Variants in MGAT4C observed in about 807,000 individuals in gnomAD.
The protein encoded by MGAT4C is alpha-1,3-mannosyl-glycoprotein 4-beta-N-acetylglucosaminyltransferase C.
Under a neutral mutation model 40.1 loss-of-function variants are expected in MGAT4C, and 19 were observed. That is an observed-to-expected ratio of 0.47 (90% confidence interval 0.33 to 0.70). The LOEUF (loss-of-function observed/expected upper bound fraction) is 0.70. MGAT4C is among the 30% of genes least tolerant of loss of function. The pLI, the probability that MGAT4C is intolerant of heterozygous loss-of-function variation, is 0.02. For missense variants in MGAT4C, 491 were observed against 563.2 expected (o/e 0.87, Z 1.30); for synonymous variants, 181 against 187.1 (o/e 0.97, Z 0.27).
chr12:86,747,151 C>A (rs1209107835), intron 1 of MGAT4C, among the ~76,000 whole-genome samples: 4 of 151,584 alleles, frequency 2.6e-5, no homozygotes, highest in Non-Finnish European at 5.9e-5. Context: ...TGCTCCTTAT[C>A]CTGCAGGATT....
intron 1 of MGAT4C, among the ~76,000 whole-genome samples, chr12:86,105,874 A>T (rs2135617021): frequency 6.6e-6 from 1 of 152,320 alleles, no homozygotes; most frequent in East Asian, 1.9e-4. Flanking sequence ...TATTTTGTGC[A>T]CTTACTTTAC....
At chr12:86,257,350 C>T (rs1220184028), upstream of MGAT4C, among the ~76,000 whole-genome samples, 1 of 152,182 alleles carries the variant, frequency 6.6e-6, no homozygotes, top group East Asian at 1.9e-4. Flanking sequence ...CTGAAAGGAG[C>T]TGTCAACCGC....
At chr12:86,763,324 T>C (rs1025087206) in intron 1 of MGAT4C, among the ~76,000 whole-genome samples, 1 of 152,188 alleles carries the variant, frequency 6.6e-6, no homozygotes, top group East Asian at 1.9e-4. Flanking sequence ...AGGGTAAAAC[T>C]TCCCCCACTT....
At chr12:86,448,654 T>G in intron 2 of MGAT4C, among the ~76,000 whole-genome samples, 1 of 152,158 alleles carries the variant, frequency 6.6e-6, no homozygotes, top group East Asian at 1.9e-4. Flanking sequence ...AATAAATTAT[T>G]AAAATGAATC....
chr12:86,213,986 A>G (rs544461057), intron 1 of MGAT4C, among the ~76,000 whole-genome samples: 10 of 152,340 alleles, frequency 6.6e-5, no homozygotes, highest in African/African-American at 2.2e-4. Flanking sequence ...TTGTAAACAT[A>G]CAACAGGTCT....
intron 3 of MGAT4C, among the ~76,000 whole-genome samples, chr12:86,409,254 T>C (rs768366945): frequency 1.1e-4 from 16 of 152,128 alleles, no homozygotes; most frequent in Admixed American, 3.3e-4. Flanking sequence ...TTAGGAATGG[T>C]AATAGGTGCT....
intron 1 of MGAT4C, among the ~76,000 whole-genome samples, chr12:86,728,919 CTTAT>C (rs1470854867): frequency 6.6e-5 from 10 of 152,144 alleles, no homozygotes; most frequent in Admixed American, 6.6e-5. Flanking sequence ...AATACACCTA[CTTAT>C]TTAATGATCA....
At chr12:86,023,969 A>G (rs187039406) in intron 2 of MGAT4C, among the ~76,000 whole-genome samples, 7 of 151,864 alleles carry the variant, frequency 4.6e-5, no homozygotes, top group African/African-American at 9.7e-5. Context: ...TCTTGCATCT[A>G]AGACCTCTAA....
At chr12:86,425,524 T>C (rs1956909545) in intron 3 of MGAT4C, among the ~76,000 whole-genome samples, 1 of 152,252 alleles carries the variant, frequency 6.6e-6, no homozygotes, top group African/African-American at 2.4e-5. Context: ...TCAATTAAAC[T>C]TGTTTTATTA....
chr12:86,340,579 AGTT>A (rs1358960189), intron 3 of MGAT4C, among the ~76,000 whole-genome samples: 1 of 152,164 alleles, frequency 6.6e-6, no homozygotes, highest in Admixed American at 6.5e-5. Flanking sequence ...TTAAAGCAAA[AGTT>A]GACTCACTTT....
At chr12:86,810,848 G>C (rs1952458052) in intron 1 of MGAT4C, among the ~76,000 whole-genome samples, 1 of 151,890 alleles carries the variant, frequency 6.6e-6, no homozygotes, top group Non-Finnish European at 1.5e-5. Flanking sequence ...GGTAATACTA[G>C]CCTAGTGAAA....
At chr12:86,118,192 G>GA (rs146813636) in intron 1 of MGAT4C, among the ~76,000 whole-genome samples, 11,435 of 152,022 alleles carry the variant, frequency 0.075, 589 homozygotes, top group Middle Eastern at 0.21. Flanking sequence ...CTGGGCAAAG[G>GA]AAAAAAATGC....
intron 2 of MGAT4C, among the ~76,000 whole-genome samples, chr12:86,686,137 C>T (rs966359504): frequency 3.9e-5 from 6 of 151,900 alleles, no homozygotes; most frequent in African/African-American, 1.5e-4. Flanking sequence ...TCTCAGCCTC[C>T]CAAAGTGCTG....
intron 2 of MGAT4C, among the ~76,000 whole-genome samples, chr12:86,033,061 G>A (rs868173552): frequency 6.7e-6 from 1 of 149,356 alleles, no homozygotes; most frequent in African/African-American, 2.4e-5. Flanking sequence ...CTTTTTTCAA[G>A]GTCAGATGGT....
chr12:86,489,480 C>A (rs886858000), intron 2 of MGAT4C, among the ~76,000 whole-genome samples: 1 of 152,164 alleles, frequency 6.6e-6, no homozygotes, highest in Non-Finnish European at 1.5e-5. Flanking sequence ...AGGGCAGCTG[C>A]CCCAAACTAC....
chr12:86,761,628 G>A (rs1951407500), intron 1 of MGAT4C, among the ~76,000 whole-genome samples: 1 of 152,158 alleles, frequency 6.6e-6, no homozygotes, highest in Non-Finnish European at 1.5e-5. Context: ...GTCAGGAGAA[G>A]GCTGGTTCCT....
intron 2 of MGAT4C, among the ~76,000 whole-genome samples, chr12:86,567,658 C>T (rs192696958): frequency 9.5e-4 from 145 of 152,196 alleles, no homozygotes; most frequent in African/African-American, 3.0e-3. Context: ...AGGTAAAAAC[C>T]ACGATGTGCT....
At chr12:86,483,096 C>A (rs1224875151) in intron 2 of MGAT4C, among the ~76,000 whole-genome samples, 1 of 152,118 alleles carries the variant, frequency 6.6e-6, no homozygotes, top group Non-Finnish European at 1.5e-5. Context: ...AGTTCAATAT[C>A]GAGGATGGTT....
intron 2 of MGAT4C, among the ~76,000 whole-genome samples, chr12:86,556,171 C>A (rs573968150): frequency 6.6e-6 from 1 of 151,846 alleles, no homozygotes; most frequent in African/African-American, 2.4e-5. Flanking sequence ...ACTTGAGTGA[C>A]CATTGTTAAA....
Sources: allele counts gnomAD v4.1 joint callset (sites outside exome capture counted in the v4.1 genomes callset), GRCh38; gene constraint gnomAD v4.1.1; transcripts MANE v1.5; gene names NCBI Gene and HGNC (gene_info 2026-07-23, HGNC 2026-07-21).